SOX6: variants seen among roughly 807,000 people sequenced by gnomAD.
SOX6 encodes transcription factor SOX-6.
SOX6 carries 11 observed loss-of-function variants against 97.8 expected under a neutral mutation model. That is an observed-to-expected ratio of 0.11 (90% CI 0.07 to 0.19). The LOEUF (loss-of-function observed/expected upper bound fraction) is 0.19. SOX6 is among the 10% of genes least tolerant of loss of function. The probability of loss-of-function intolerance (pLI) is 1.00; values close to 1 mark genes in which losing one functional copy is unlikely to be tolerated. For synonymous variants in SOX6, 360 were observed against 371.4 expected (o/e 0.97, Z 0.35); for missense variants, 810 against 1,039.5 (o/e 0.78, Z 3.04).
intron 3 of SOX6, among the ~76,000 whole-genome samples, chr11:16,668,694 A>C (rs1165571831): frequency 6.6e-6 from 1 of 152,230 alleles, no homozygotes; most frequent in Non-Finnish European, 1.5e-5. Context: ...ACATAGACTG[A>C]AAATCAAAAA....
intron 3 of SOX6, among the ~76,000 whole-genome samples, chr11:16,690,361 T>C (rs116338071): frequency 0.011 from 1,692 of 152,334 alleles, 24 homozygotes; most frequent in African/African-American, 0.038. Flanking sequence ...AAATTCTGTT[T>C]TCTCTCCAGA....
intron 12 of SOX6, among the ~76,000 whole-genome samples, chr11:16,041,801 C>T (rs886478253): frequency 6.6e-6 from 1 of 152,072 alleles, no homozygotes; most frequent in Non-Finnish European, 1.5e-5. Flanking sequence ...ACAAGTTACT[C>T]CAAAAATGAA....
chr11:16,162,526 G>A (rs917020961), intron 6 of SOX6, among the ~76,000 whole-genome samples: 2 of 152,120 alleles, frequency 1.3e-5, no homozygotes, highest in Non-Finnish European at 2.9e-5. Flanking sequence ...TCATTTAAAA[G>A]TGTGTGGCAT....
At chr11:16,364,278 A>C (rs541023500) in intron 1 of SOX6, among the ~76,000 whole-genome samples, 8 of 152,118 alleles carry the variant, frequency 5.3e-5, no homozygotes, top group African/African-American at 1.9e-4. Context: ...ACCAGAAAAA[A>C]ATGTCAGGAC....
At chr11:16,152,588 A>T (rs1026517421) in intron 6 of SOX6, among the ~76,000 whole-genome samples, 2 of 152,202 alleles carry the variant, frequency 1.3e-5, no homozygotes, top group Non-Finnish European at 2.9e-5. Context: ...CCATGCCAAG[A>T]TGGTCTTGAT....
chr11:16,179,702 A>G (rs1851295716), intron 6 of SOX6, among the ~76,000 whole-genome samples: 1 of 151,954 alleles, frequency 6.6e-6, no homozygotes, highest in South Asian at 2.1e-4. Context: ...CAAAAAAGAC[A>G]CATGTGTATG....
intron 13 of SOX6, among the ~76,000 whole-genome samples, chr11:16,013,636 T>G (rs928952668): frequency 7.2e-6 from 1 of 139,834 alleles, no homozygotes; most frequent in Non-Finnish European, 1.6e-5. Context: ...TCTCTTCCCC[T>G]CCCTCCCTCC....
chr11:16,164,754 C>T (rs972958766), intron 6 of SOX6, among the ~76,000 whole-genome samples: 10 of 147,908 alleles, frequency 6.8e-5, no homozygotes, highest in Admixed American at 1.4e-4. Flanking sequence ...ACCTGGGAGG[C>T]GAAAGGTGGT....
intron 3 of SOX6, among the ~76,000 whole-genome samples, chr11:16,624,980 C>T (rs1848603030): frequency 6.6e-6 from 1 of 152,018 alleles, no homozygotes; most frequent in South Asian, 2.1e-4. Flanking sequence ...GGTTGATTGT[C>T]TAATTTTATT....
intron 9 of SOX6, among the ~76,000 whole-genome samples, chr11:16,074,125 A>T (rs1323603108): frequency 6.6e-6 from 1 of 152,198 alleles, no homozygotes; most frequent in Admixed American, 6.5e-5. Context: ...GGAAACTGAG[A>T]TGCAAAAAAC....
intron 13 of SOX6, 80 bp from the exon 14 acceptor site, chr11:15,989,310 T>A (rs879048222): frequency 1.4e-5 from 17 of 1,178,004 alleles, no homozygotes; most frequent in South Asian, 8.0e-5. Context: ...GCCGCCTGGG[T>A]CAGCTGTTTT....
At chr11:16,424,219 T>G (rs2133067961) in intron 1 of SOX6, among the ~76,000 whole-genome samples, 1 of 152,274 alleles carries the variant, frequency 6.6e-6, no homozygotes, top group African/African-American at 2.4e-5. Flanking sequence ...TAAGGATATT[T>G]CAAGGGTTAC....
intron 3 of SOX6, among the ~76,000 whole-genome samples, chr11:16,292,169 T>C (rs1435617109): frequency 6.6e-6 from 1 of 152,162 alleles, no homozygotes; most frequent in Non-Finnish European, 1.5e-5. Flanking sequence ...AACTCAGATA[T>C]GTTATCAAAC....
chr11:16,069,252 A>G (rs1292132180), intron 9 of SOX6, among the ~76,000 whole-genome samples: 1 of 152,334 alleles, frequency 6.6e-6, no homozygotes, highest in East Asian at 1.9e-4. Flanking sequence ...AAAAAAGCTC[A>G]TGCCTAGGAA....
chr11:15,973,691 A>G (rs538109035), intron 15 of SOX6, among the ~76,000 whole-genome samples: 1 of 152,310 alleles, frequency 6.6e-6, no homozygotes, highest in African/African-American at 2.4e-5. Context: ...CTGTGGAAGG[A>G]TCATCTTGGA....
chr11:16,066,553 T>C (rs1270048382), intron 9 of SOX6, among the ~76,000 whole-genome samples: 1 of 152,132 alleles, frequency 6.6e-6, no homozygotes. Context: ...TTATACACAG[T>C]GGAGTACTAT....
At chr11:16,045,339 C>T (rs1243965739) in intron 12 of SOX6, among the ~76,000 whole-genome samples, 1 of 152,088 alleles carries the variant, frequency 6.6e-6, no homozygotes, top group East Asian at 1.9e-4. Flanking sequence ...CCCCCATGAT[C>T]AGATTAGTAC....
chr11:16,268,945 C>A (rs1410925970), intron 3 of SOX6, among the ~76,000 whole-genome samples: 1 of 150,694 alleles, frequency 6.6e-6, no homozygotes, highest in Non-Finnish European at 1.5e-5. Context: ...GTATTCAAAT[C>A]TAGCATGCTT....
In SOX6 at chr11:16,186,865, T is replaced by C. The variant is rs887640142; in HGVS notation, c.626A>G (p.His209Arg). The C allele has an allele frequency of 1.2e-6, 2 of 1,613,900 alleles. No homozygotes were observed. Among genetic ancestry groups the C allele is most frequent in the Non-Finnish European group, 1.7e-6 (2 of 1,179,870 alleles). ...ISLREQLLAA[H>R]DEQKKLAASQ... ...CGCTGCCAGTTTTTTCTGTTCATCA[T>C]GCGCTGCCAGTAGCTGCTCCCGTAA... Residue 209 changes from histidine to arginine, a missense_variant, in exon 5 of 16, where the codon CAT (histidine) becomes CGT (arginine). His to Arg is a conservative substitution (Grantham distance 29, BLOSUM62 0). Around this residue, in one of 9 missense-constraint regions of SOX6, gnomAD observed 110 missense variants for 119.0 expected, o/e 0.92. Coordinates refer to ENST00000683767, the MANE Select transcript of SOX6 (RefSeq NM_001367873.1).
Sources: gnomAD v4.1 joint callset for allele counts (sites outside exome capture counted in the v4.1 genomes callset) on GRCh38, gnomAD v4.1.1 for gene constraint, gnomAD v4.1.1 regional missense constraint, MANE v1.5 for transcripts, NCBI Gene and HGNC (gene_info 2026-07-23, HGNC 2026-07-21) for gene names.